The following PTPRN2 variants were observed in gnomAD, a reference collection of about 807,000 sequenced individuals.
The protein encoded by PTPRN2 is receptor-type tyrosine-protein phosphatase N2.
PTPRN2 carries 74 observed loss-of-function variants against 118.8 expected under a neutral mutation model. The ratio of observed to expected loss-of-function variants is 0.62; its 90% CI spans 0.52 to 0.76. PTPRN2 has a LOEUF of 0.76. Among genes scored for constraint, PTPRN2 ranks in the 30% least tolerant of loss-of-function variants. The pLI, the probability that PTPRN2 is intolerant of heterozygous loss-of-function variation, is 0.00. For synonymous variants in PTPRN2, 641 were observed against 608.0 expected (o/e 1.05, Z -0.80); for missense variants, 1,481 against 1,394.4 (o/e 1.06, Z -0.99).
intron 2 of PTPRN2, among the ~76,000 whole-genome samples, chr7:158,388,952 C>T (rs555641842): frequency 6.6e-6 from 1 of 152,208 alleles, no homozygotes; most frequent in African/African-American, 2.4e-5. Context: ...CAGCTGTGAT[C>T]GATCTGAAGG....
chr7:157,715,311 C>A (rs1798848972), intron 12 of PTPRN2, among the ~76,000 whole-genome samples: 1 of 152,072 alleles, frequency 6.6e-6, no homozygotes, highest in South Asian at 2.1e-4. Context: ...CCGCGGGAAA[C>A]CCCTCAGCAA....
chr7:157,562,397 C>A (rs1799236271), intron 21 of PTPRN2, among the ~76,000 whole-genome samples: 1 of 152,162 alleles, frequency 6.6e-6, no homozygotes, highest in Non-Finnish European at 1.5e-5. Flanking sequence ...GCCCCCAGGA[C>A]CTGCTGTGGG....
At chr7:158,094,747 C>T (rs921614139) in intron 10 of PTPRN2, among the ~76,000 whole-genome samples, 1 of 152,156 alleles carries the variant, frequency 6.6e-6, no homozygotes, top group African/African-American at 2.4e-5. Flanking sequence ...GGCTTTTTCC[C>T]GAAGCCTCAG....
At chr7:157,662,468 C>T (rs999062349) in intron 13 of PTPRN2, among the ~76,000 whole-genome samples, 3 of 152,148 alleles carry the variant, frequency 2.0e-5, no homozygotes, top group African/African-American at 4.8e-5. Flanking sequence ...CCGCAAGAAG[C>T]GATGGGAATG....
chr7:157,638,923 C>T (rs894954208), intron 14 of PTPRN2, among the ~76,000 whole-genome samples: 1 of 152,200 alleles, frequency 6.6e-6, no homozygotes, highest in African/African-American at 2.4e-5. Context: ...CTGGACACAG[C>T]GATCCCTTTG....
At chr7:157,793,801 T>C (rs1039122491) in intron 12 of PTPRN2, among the ~76,000 whole-genome samples, 33 of 152,282 alleles carry the variant, frequency 2.2e-4, no homozygotes, top group Middle Eastern at 3.4e-3. Flanking sequence ...TTCTGTCCCC[T>C]TCTCCTCCCA....
intron 1 of PTPRN2, among the ~76,000 whole-genome samples, chr7:158,545,387 A>G (rs1826218478): frequency 6.6e-6 from 1 of 152,192 alleles, no homozygotes; most frequent in Admixed American, 6.5e-5. Context: ...AGCAGCTGCA[A>G]ATACCTGTTT....
At chr7:157,940,264 TCC>T (rs1364447408) in intron 11 of PTPRN2, among the ~76,000 whole-genome samples, 2 of 152,142 alleles carry the variant, frequency 1.3e-5, no homozygotes, top group Non-Finnish European at 2.9e-5. Flanking sequence ...TTCTTTTCTC[TCC>T]CCTTCCTAGT....
intron 3 of PTPRN2, among the ~76,000 whole-genome samples, chr7:158,228,321 G>A (rs1420854196): frequency 6.6e-6 from 1 of 152,140 alleles, no homozygotes; most frequent in African/African-American, 2.4e-5. Context: ...TACTGAGAAT[G>A]TTCAGAGATC....
chr7:158,507,969 C>G (rs1345477982), intron 1 of PTPRN2, among the ~76,000 whole-genome samples: 1 of 146,830 alleles, frequency 6.8e-6, no homozygotes, highest in Non-Finnish European at 1.5e-5. Context: ...CAGTGAGGAC[C>G]ATCCGGGGAA....
chr7:158,399,801 C>T (rs754030348), intron 2 of PTPRN2, among the ~76,000 whole-genome samples: 2 of 152,198 alleles, frequency 1.3e-5, no homozygotes, highest in Non-Finnish European at 2.9e-5. Flanking sequence ...CCTACTGCAC[C>T]GGAACCATCC....
rs1804011629 is a variant in PTPRN2, at chr7:157,632,297, T to G, written c.2197-10788A>C. On this transcript the variant is annotated intron_variant, in intron 14 of 22. Transcript: ENST00000389418. The surrounding 1 kb of genome is among the most constrained non-coding windows in gnomAD (Gnocchi z 4.3). ...TGCGATGCGTGGAAAGGTGGCCTGGTGCACCAACGCCTGGTGATCCTCGAT... is the reference window on the plus strand; with the variant it reads ...TGCGATGCGTGGAAAGGTGGCCTGGGGCACCAACGCCTGGTGATCCTCGAT... Among the ~76,000 whole-genome samples, 1 of 152,198 alleles carries G rather than the reference T, an allele frequency of 6.6e-6. No individual in the cohort carries two copies. Among genetic ancestry groups the G allele is most frequent in the Non-Finnish European group, 1.5e-5 (1 of 68,034 alleles).
rs113381805 is a variant in PTPRN2 at position 158,524,450 on chromosome 7, C to T, written c.113-34665G>A. Among the ~76,000 whole-genome samples, 150 of 44,134 alleles carry T rather than the reference C, an allele frequency of 3.4e-3. 3 individuals carry two copies. Among genetic ancestry groups the T allele is most frequent in the African/African-American group, 0.011 (127 of 11,446 alleles). 29.0% of individuals were successfully genotyped at this position (44,134 alleles called of 152,430 possible). A position where few individuals can be genotyped will look rare whatever the true frequency, so the allele number is the denominator to read the frequency against. ...TGGAGTGGAGTCGTCTACCCTGGAG[C>T]GGAGTCTGCCCTGGAGCGGAGTCTG... On this transcript the variant is annotated intron_variant, in intron 1 of 22. Transcript: ENST00000389418.
intron 11 of PTPRN2, among the ~76,000 whole-genome samples, chr7:157,980,580 G>A (rs950959173): frequency 7.9e-5 from 12 of 152,032 alleles, no homozygotes; most frequent in South Asian, 2.1e-4. Flanking sequence ...GCAAAACCCC[G>A]TCTCTACTAA....
intron 12 of PTPRN2, among the ~76,000 whole-genome samples, chr7:157,816,384 C>T (rs540860376): frequency 6.6e-6 from 1 of 152,354 alleles, no homozygotes; most frequent in African/African-American, 2.4e-5. Flanking sequence ...CTTTCCTCCC[C>T]TCCACGAGCT....
intron 3 of PTPRN2, among the ~76,000 whole-genome samples, chr7:158,281,564 A>G (rs1563069): frequency 0.96 from 145,801 of 152,346 alleles, 69,836 homozygotes; most frequent in African/African-American, 0.99. Context: ...ACAGAGGTGC[A>G]TGGAAATGCT....
intron 10 of PTPRN2, among the ~76,000 whole-genome samples, chr7:158,108,348 GCT>G (rs1000254899): frequency 2.0e-5 from 3 of 152,010 alleles, no homozygotes; most frequent in African/African-American, 7.2e-5. Context: ...CCTCAGGGCT[GCT>G]CTCTCTCAGC....
intron 12 of PTPRN2, among the ~76,000 whole-genome samples, chr7:157,888,976 C>T (rs1289688026): frequency 6.6e-6 from 1 of 152,190 alleles, no homozygotes; most frequent in Non-Finnish European, 1.5e-5. Context: ...CAGGGGAAAA[C>T]CTCACTGGGT....
At chr7:158,216,102 A>G (rs1422638475) in intron 3 of PTPRN2, among the ~76,000 whole-genome samples, 1 of 152,200 alleles carries the variant, frequency 6.6e-6, no homozygotes, top group African/African-American at 2.4e-5. Context: ...GTAAAATGTC[A>G]TAAAGGAAGG....
Sources: gnomAD v4.1 joint callset for allele counts (sites outside exome capture counted in the v4.1 genomes callset) on GRCh38, gnomAD v4.1.1 for gene constraint, Gnocchi (gnomAD v3.1) non-coding constraint, MANE v1.5 for transcripts, NCBI Gene and HGNC (gene_info 2026-07-23, HGNC 2026-07-21) for gene names.